The following ZNF443 variants were observed in gnomAD, a reference collection of about 807,000 sequenced individuals.
ZNF443 encodes the protein Kruppel-type zinc finger (C2H2).
A neutral mutation model predicts 12.0 loss-of-function variants in ZNF443; 3 were observed. The observed-to-expected ratio is 0.25, with a 90% CI of 0.11 to 0.64. ZNF443 has a LOEUF of 0.64. Among genes scored for constraint, ZNF443 ranks in the 30% least tolerant of loss-of-function variants. The pLI, the probability that ZNF443 is intolerant of heterozygous loss-of-function variation, is 0.84. For synonymous variants in ZNF443, 225 were observed against 265.9 expected (o/e 0.85, Z 1.50); for missense variants, 770 against 808.8 (o/e 0.95, Z 0.58).
intron 3 of ZNF443, 90 bp from the exon 4 acceptor site, chr19:12,432,070 A>G: frequency 9.4e-7 from 1 of 1,066,518 alleles, no homozygotes; most frequent in East Asian, 2.5e-5. Flanking sequence ...TTTTAACACT[A>G]TCATGCGAAG....
chr19:12,439,941 A>T (rs1409615109), intron 1 of ZNF443, among the ~76,000 whole-genome samples: 1 of 151,916 alleles, frequency 6.6e-6, no homozygotes, highest in Non-Finnish European at 1.5e-5. Flanking sequence ...TCTGGAAACC[A>T]AGAGATTTGC....
rs773044779 is a variant in ZNF443 at position 12,431,528 on chromosome 19, T to G, written c.644A>C (p.His215Pro). ...TTTCTCTCCAGTGTGCGTTCTTTCA[T>G]GCATATGTAATAAACTGGGCCAAAA... is the stretch of plus-strand genomic sequence containing the variant. ...AFFWPSLLHM[H>P]ERTHTGEKPY... The change falls in exon 4 of 4, where the codon CAT (histidine) becomes CCT (proline). Residue 215 changes from histidine (H) to proline (P), a missense_variant. Coordinates refer to ENST00000301547, the MANE Select transcript of ZNF443 (RefSeq NM_005815.5). The G allele has an allele frequency of 6.2e-6, 10 of 1,614,168 alleles. No homozygotes were observed. In the South Asian group the frequency reaches 1.1e-4, roughly 18 times the overall value.
Position 12,431,631 on chromosome 19 carries a change from A to C in ZNF443, c.541T>G (p.Leu181Val). 1 of 1,614,138 alleles carries C rather than the reference A, an allele frequency of 6.2e-7. No individual in the cohort carries two copies. ...GCCATGTGTCTTTGAAGGTTTCCCAAAGAACTGAAGGACTTCCCACATTCT... is the reference window on the plus strand; with the variant it reads ...GCCATGTGTCTTTGAAGGTTTCCCACAGAACTGAAGGACTTCCCACATTCT... ...CKECGKSFSS[L>V]GNLQRHMAVQ... Residue 181 changes from leucine (L) to valine (V), a missense_variant, in exon 4 of 4, where the codon TTG (leucine) becomes GTG (valine). Leu to Val is a conservative substitution (Grantham distance 32). Coordinates refer to ENST00000301547, the MANE Select transcript of ZNF443 (RefSeq NM_005815.5).
intron 1 of ZNF443, among the ~76,000 whole-genome samples, chr19:12,434,611 G>A (rs34091120): frequency 0.33 from 49,926 of 151,694 alleles, 8,622 homozygotes; most frequent in South Asian, 0.47. Context: ...AAAAATGCTG[G>A]AAACTTTCTC....
At chr19:12,438,206 T>C (rs1970332976) in intron 1 of ZNF443, among the ~76,000 whole-genome samples, 1 of 152,230 alleles carries the variant, frequency 6.6e-6, no homozygotes, top group African/African-American at 2.4e-5. Flanking sequence ...ACATGGATAT[T>C]TAAAAACAAA....
chr19:12,435,228 A>G (rs1970296830), intron 1 of ZNF443, among the ~76,000 whole-genome samples: 1 of 152,138 alleles, frequency 6.6e-6, no homozygotes, highest in African/African-American at 2.4e-5. Flanking sequence ...CGCCTGCCTT[A>G]GCCTCCCAAA....
At chr19:12,434,012 T>C (rs1298338060) in intron 1 of ZNF443, among the ~76,000 whole-genome samples, 1 of 152,202 alleles carries the variant, frequency 6.6e-6, no homozygotes, top group Non-Finnish European at 1.5e-5. Flanking sequence ...CCTCACCATG[T>C]GATACTCTAT....
chr19:12,440,929 G>C lies in ZNF443; in HGVS notation c.-15C>G, dbSNP rs1208468173. The C allele has an allele frequency of 1.9e-6, 3 of 1,614,058 alleles. No individual in the cohort carries two copies. In the South Asian group the frequency reaches 3.3e-5, roughly 18 times the overall value. On this transcript the variant is annotated 5_prime_UTR_variant, in exon 1 of 4. Coordinates refer to ENST00000301547, the MANE Select transcript of ZNF443 (RefSeq NM_005815.5). ...ACACGCACCATTTCCCGACTTCCGC[G>C]GTGTCCCAGGTCCTACCGACAGCTC... is the stretch of plus-strand genomic sequence containing the variant.
chr19:12,431,652 A>T lies in ZNF443; in HGVS notation c.520T>A (p.Cys174Ser), dbSNP rs550796095. 6.2e-7 allele frequency: 1 copy of T among 1,614,158 alleles called. No homozygotes were observed. The highest frequency in any genetic ancestry group is 1.3e-5 in the African/African-American group (1 of 75,038). Reference sequence around the variant, plus strand: ...CCCAAAGAACTGAAGGACTTCCCACATTCTTTACAATCATATGGTTTCTTT... The same window carrying T: ...CCCAAAGAACTGAAGGACTTCCCACTTTCTTTACAATCATATGGTTTCTTT... ...TGKKPYDCKECGKSFSSLGNL... is the reference protein window; with the variant it reads ...TGKKPYDCKESGKSFSSLGNL... Residue 174 changes from cysteine (C) to serine (S), a missense_variant, in exon 4 of 4, where the codon TGT (cysteine) becomes AGT (serine). Physicochemically the swap from Cys to Ser is moderately radical, Grantham distance 112. Transcript: ENST00000301547.
In ZNF443 at chr19:12,431,390, G is replaced by T. The variant is rs774379701; in HGVS notation, c.782C>A (p.Ala261Asp). ...KPYECKQCSK[A>D]FPFYSSYLRH... ...TAGATAGGAACTGTAAAAAGGAAAG[G>T]CTTTAGAACACTGTTTACATTCATA... Residue 261 changes from alanine (A) to aspartate (D), a missense_variant, in exon 4 of 4, where the codon GCC (alanine) becomes GAC (aspartate). This residue lies in a region of ZNF443 where 736 missense variants were observed against 689.4 expected (regional missense o/e 1.07). Transcript: ENST00000301547. The T allele has an allele frequency of 6.2e-7, 1 of 1,613,934 alleles. No individual in the cohort carries two copies. Among genetic ancestry groups the T allele is most frequent in the African/African-American group, 1.3e-5 (1 of 74,912 alleles).
rs28819482 is a variant in ZNF443, at chr19:12,438,553, T to A, written c.3+2359A>T. On this transcript the variant is annotated intron_variant, in intron 1 of 3. Coordinates refer to ENST00000301547, the MANE Select transcript of ZNF443 (RefSeq NM_005815.5). ...AGAAGAACTGAACTTTTGTTAAATC[T>A]TTTTAATTCAATGTACCTATTACAC... Among the ~76,000 whole-genome samples the A allele has an allele frequency of 1.1e-3, 173 of 151,680 alleles. 1 individual carries two copies. Among genetic ancestry groups the A allele is most frequent in the African/African-American group, 3.9e-3 (162 of 41,404 alleles).
intron 1 of ZNF443, among the ~76,000 whole-genome samples, chr19:12,435,385 G>A (rs548597244): frequency 6.6e-6 from 1 of 152,232 alleles, no homozygotes; most frequent in South Asian, 2.1e-4. Flanking sequence ...ACAACTGCAA[G>A]AACAGACTAT....
chr19:12,435,553 C>T (rs1422152242), intron 1 of ZNF443, among the ~76,000 whole-genome samples: 2 of 69,304 alleles, frequency 2.9e-5, no homozygotes, highest in Admixed American at 1.4e-4. Flanking sequence ...CAAAAGACAC[C>T]GGAGAAAAAC....
In ZNF443 at chr19:12,432,395, T is replaced by C. The variant is rs767349482; in HGVS notation, c.173A>G (p.Tyr58Cys). The C allele has an allele frequency of 1.2e-5, 18 of 1,558,234 alleles. No individual in the cohort carries two copies. The highest frequency in any genetic ancestry group is 1.6e-5 in the Non-Finnish European group (18 of 1,139,910). ...KDQNIEDQYR[Y>C]PRKNLRCRML... ...AAATTACCTTAGATTTTTCCTGGGA[T>C]ATCTATATTGATCTTCAATGTTCTG... The change falls in exon 3 of 4, where the codon TAT (tyrosine) becomes TGT (cysteine). Residue 58 changes from tyrosine to cysteine, a missense_variant. Tyr to Cys is a radical substitution (Grantham distance 194). This residue lies in a region of ZNF443 where 736 missense variants were observed against 689.4 expected (regional missense o/e 1.07). Coordinates refer to ENST00000301547, the MANE Select transcript of ZNF443 (RefSeq NM_005815.5).
intron 1 of ZNF443, among the ~76,000 whole-genome samples, chr19:12,437,012 A>C (rs796614949): frequency 3.3e-5 from 5 of 151,354 alleles, no homozygotes; most frequent in South Asian, 2.1e-4. Context: ...TTACCCTAAA[A>C]GCCAGTACAG....
At chr19:12,433,979 G>A (rs1418897263) in intron 1 of ZNF443, among the ~76,000 whole-genome samples, 2 of 152,104 alleles carry the variant, frequency 1.3e-5, no homozygotes, top group African/African-American at 4.8e-5. Context: ...AAAAGAAAGA[G>A]ATCTGAGCTA....
At chr19:12,440,535 C>A (rs1273760797) in intron 1 of ZNF443, among the ~76,000 whole-genome samples, 1 of 152,200 alleles carries the variant, frequency 6.6e-6, no homozygotes, top group Admixed American at 6.5e-5. Flanking sequence ...CTCAGGGAGG[C>A]GGATCTGGGG....
At chr19:12,435,949 C>T (rs1165139762) in intron 1 of ZNF443, among the ~76,000 whole-genome samples, 3 of 151,542 alleles carry the variant, frequency 2.0e-5, no homozygotes, top group East Asian at 1.9e-4. Flanking sequence ...TATAACATTC[C>T]GATATCTACT....
At chr19:12,436,591 A>T (rs1970311794) in intron 1 of ZNF443, among the ~76,000 whole-genome samples, 1 of 152,140 alleles carries the variant, frequency 6.6e-6, no homozygotes, top group African/African-American at 2.4e-5. Context: ...CCAAAAAAAA[A>T]ATCAGTTAAA....
Sources: gnomAD v4.1 joint callset for allele counts (sites outside exome capture counted in the v4.1 genomes callset) on GRCh38, gnomAD v4.1.1 for gene constraint, gnomAD v4.1.1 regional missense constraint, MANE v1.5 for transcripts, NCBI Gene and HGNC (gene_info 2026-07-23, HGNC 2026-07-21) for gene names.